FAM200A: variants seen among roughly 807,000 people sequenced by gnomAD.
The protein encoded by FAM200A is protein FAM200A.
Under a neutral mutation model 44.2 loss-of-function variants are expected in FAM200A, and 26 were observed. The observed-to-expected ratio is 0.59, with a 90% CI of 0.43 to 0.82. FAM200A has a LOEUF of 0.82. FAM200A is among the 40% of genes least tolerant of loss of function. FAM200A has a pLI of 0.00. For missense variants in FAM200A, 606 were observed against 669.5 expected (o/e 0.91, Z 1.05); for synonymous variants, 206 against 244.4 (o/e 0.84, Z 1.47).
At chr7:99,552,283 G>A, upstream of FAM200A, 1 of 493,350 alleles carries the variant, frequency 2.0e-6, no homozygotes, top group Non-Finnish European at 2.6e-6. Context: ...CGGGGAAAAA[G>A]GGATGAATTT....
At chr7:99,552,218 C>G, upstream of FAM200A, 2 of 976,712 alleles carry the variant, frequency 2.0e-6, no homozygotes, top group Non-Finnish European at 2.4e-6. Flanking sequence ...GGGCTCTAAT[C>G]TCGGGTTTGG....
intron 1 of FAM200A, among the ~76,000 whole-genome samples, chr7:99,550,850 G>C (rs1056316679): frequency 1.3e-5 from 2 of 152,108 alleles, no homozygotes; most frequent in Non-Finnish European, 2.9e-5. Context: ...CGAGGCGGGC[G>C]GATCACCTGA....
upstream of FAM200A, among the ~76,000 whole-genome samples, chr7:99,553,099 ATTTTTTTTTTT>A (rs576289512): frequency 3.3e-5 from 2 of 61,394 alleles, no homozygotes; most frequent in African/African-American, 2.0e-4. Context: ...ATATATATAT[ATTTTTTTTTTT>A]TTTTTTTTCC....
intron 1 of FAM200A, among the ~76,000 whole-genome samples, chr7:99,550,117 C>A (rs1312252294): frequency 6.6e-6 from 1 of 151,878 alleles, no homozygotes. Flanking sequence ...TGAACCCCCC[C>A]CTTTTTTTTT....
rs1032468665 is a variant in FAM200A, at chr7:99,547,492, G to C, written c.916C>G (p.Gln306Glu). The C allele has an allele frequency of 8.4e-6, 13 of 1,549,532 alleles. No individual in the cohort carries two copies. In the African/African-American group the frequency reaches 1.6e-4, roughly 20 times the overall value. Residue 306 changes from glutamine to glutamate, a missense_variant, in exon 2 of 2, where the codon CAA becomes GAA. Transcript: ENST00000449309. The part of the protein sequence containing the change: ...LFHTEVRWLS[Q>E]GKVLSRVYEL... ...TATACTCTGCTCAATACTTTTCCTT[G>C]AGAAAGCCAACGAACTTCTGTATGA... is the stretch of plus-strand genomic sequence containing the variant.
chr7:99,552,972 C>CATATATATATATAT (rs1328337099), upstream of FAM200A, among the ~76,000 whole-genome samples: 36 of 143,528 alleles, frequency 2.5e-4, no homozygotes, highest in African/African-American at 8.8e-4. Context: ...ATCTTTGCTC[C>CATATATATATATAT]ATATATATAT....
At chr7:99,553,068 CACATATAT>C (rs1201683483), upstream of FAM200A, among the ~76,000 whole-genome samples, 221 of 89,332 alleles carry the variant, frequency 2.5e-3, 4 homozygotes, top group Middle Eastern at 5.4e-3. Context: ...TATATACACA[CACATATAT>C]ATATATATAT....
chr7:99,547,218 T>C lies in FAM200A; in HGVS notation c.1190A>G (p.Tyr397Cys), dbSNP rs766837243. Residue 397 changes from tyrosine to cysteine, a missense_variant, in exon 2 of 2, where the codon TAT (tyrosine) becomes TGT (cysteine). Transcript: ENST00000449309. ...GTGTTGCAATAATGTTGGAAACATA[T>C]AGTAGCTAGGGCGGTTACTTTTAAG... ...ARLKSNRPSY[Y>C]MFPTLLQHIE... The C allele has an allele frequency of 5.2e-6, 8 of 1,550,708 alleles. No homozygotes were observed. Among genetic ancestry groups the C allele is most frequent in the East Asian group, 2.4e-5 (1 of 40,890 alleles).
chr7:99,554,912 G>C (rs1802648911), upstream of FAM200A, among the ~76,000 whole-genome samples: 1 of 152,198 alleles, frequency 6.6e-6, no homozygotes, highest in Non-Finnish European at 1.5e-5. Context: ...TGGGAGAGGT[G>C]GCAGTAGAGC....
chr7:99,556,997 C>A (rs886374812), upstream of FAM200A, among the ~76,000 whole-genome samples: 31 of 152,332 alleles, frequency 2.0e-4, no homozygotes, highest in Admixed American at 2.0e-4. Flanking sequence ...GATCGCGCCA[C>A]TGCACTCCAG....
At chr7:99,553,968 G>A (rs1802625961), upstream of FAM200A, among the ~76,000 whole-genome samples, 1 of 152,210 alleles carries the variant, frequency 6.6e-6, no homozygotes, top group Non-Finnish European at 1.5e-5. Context: ...TAAGCTCTCA[G>A]ATGGTGGTGC....
chr7:99,555,924 T>C (rs1802667288), upstream of FAM200A, among the ~76,000 whole-genome samples: 1 of 151,904 alleles, frequency 6.6e-6, no homozygotes, highest in Admixed American at 6.6e-5. Flanking sequence ...AAAATAGTAA[T>C]AAATAAAAAG....
chr7:99,546,496 G>A lies in FAM200A; in HGVS notation c.*190C>T. The A allele has an allele frequency of 2.1e-6, 1 of 467,600 alleles. No homozygotes were observed. Among genetic ancestry groups the A allele is most frequent in the Non-Finnish European group, 3.5e-6 (1 of 283,794 alleles). The allele number at this position is 467,600 out of a possible 1,614,324, so 29.0% of individuals were successfully genotyped here. A position where few individuals can be genotyped will look rare whatever the true frequency, so the allele number is the denominator to read the frequency against. On this transcript the variant is annotated 3_prime_UTR_variant, in exon 2 of 2. Transcript: ENST00000449309. The stretch of plus-strand genomic sequence containing the variant: ...AGATTCTCCTGCCTCAGGCACCCAA[G>A]TAACTGGGACTGCAGGCATGTGCCA...
chr7:99,553,078 T>C (rs1328128747), upstream of FAM200A, among the ~76,000 whole-genome samples: 1 of 89,426 alleles, frequency 1.1e-5, no homozygotes, highest in Non-Finnish European at 2.0e-5. Flanking sequence ...CACATATATA[T>C]ATATATATAT....
upstream of FAM200A, among the ~76,000 whole-genome samples, chr7:99,552,972 C>T (rs1334196782): frequency 2.1e-5 from 3 of 143,528 alleles, no homozygotes; most frequent in East Asian, 6.1e-4. Flanking sequence ...ATCTTTGCTC[C>T]ATATATATAT....
chr7:99,550,094 T>C (rs968721017), intron 1 of FAM200A, among the ~76,000 whole-genome samples: 54 of 151,810 alleles, frequency 3.6e-4, no homozygotes, highest in African/African-American at 1.1e-3. Context: ...AGTTATTACC[T>C]GACTTTACTA....
upstream of FAM200A, among the ~76,000 whole-genome samples, chr7:99,553,366 G>A (rs1802610748): frequency 6.6e-6 from 1 of 151,940 alleles, no homozygotes; most frequent in South Asian, 2.1e-4. Flanking sequence ...AAGGGTCCAG[G>A]AAGGCAGATT....
In FAM200A at chr7:99,552,060, AG is replaced by A. The variant is rs1802548203; in HGVS notation, c.-307del. ...AGGGGTTGTGACTTTGGGGACCAGGAGCACTAGACTCACATCCAAGCCCCCT... is the reference window on the plus strand; with the variant it reads ...AGGGGTTGTGACTTTGGGGACCAGGACACTAGACTCACATCCAAGCCCCCT... On this transcript the variant is annotated 5_prime_UTR_variant, in exon 1 of 2. Coordinates refer to ENST00000449309, the MANE Select transcript of FAM200A (RefSeq NM_145111.4). The A allele has an allele frequency of 1.0e-6, 1 of 985,436 alleles. No homozygotes were observed. The highest frequency in any genetic ancestry group is 1.2e-6 in the Non-Finnish European group (1 of 830,010). 61.0% of individuals were successfully genotyped at this position (985,436 alleles called of 1,614,324 possible).
intron 1 of FAM200A, among the ~76,000 whole-genome samples, chr7:99,557,120 A>G (rs1802709762): frequency 6.6e-6 from 1 of 152,242 alleles, no homozygotes; most frequent in Non-Finnish European, 1.5e-5. Flanking sequence ...CTGTTAAAAG[A>G]AAATTTTGCT....
Sources: allele counts gnomAD v4.1 joint callset (sites outside exome capture counted in the v4.1 genomes callset), GRCh38; gene constraint gnomAD v4.1.1; transcripts MANE v1.5; gene names NCBI Gene and HGNC (gene_info 2026-07-23, HGNC 2026-07-21).